The following EBF2 variants were observed in gnomAD, a reference collection of about 807,000 sequenced individuals.
EBF2 encodes transcription factor COE2.
EBF2 carries 21 observed loss-of-function variants against 72.8 expected under a neutral mutation model. The observed-to-expected ratio is 0.29, with a 90% CI of 0.20 to 0.42. The LOEUF (loss-of-function observed/expected upper bound fraction) is 0.42, where lower values mean the gene tolerates loss of function less well. Ranked by LOEUF, EBF2 falls within the 10% of genes least tolerant of loss-of-function variation. The pLI, the probability that EBF2 is intolerant of heterozygous loss-of-function variation, is 1.00. For synonymous variants in EBF2, 299 were observed against 274.2 expected, an observed-to-expected ratio of 1.09 and a Z score of -0.89; for missense variants, 637 against 731.2, an observed-to-expected ratio of 0.87 and a Z score of 1.49.
At chr8:26,012,872 T>C (rs963718944) in intron 6 of EBF2, among the ~76,000 whole-genome samples, 1 of 152,190 alleles carries the variant, frequency 6.6e-6, no homozygotes, top group Non-Finnish European at 1.5e-5. Flanking sequence ...CCTTCTGTTA[T>C]CCATTCATTA....
chr8:25,911,720 G>A (rs915050931), intron 6 of EBF2, among the ~76,000 whole-genome samples: 2 of 152,220 alleles, frequency 1.3e-5, no homozygotes, highest in African/African-American at 2.4e-5. Context: ...AAGGGTTACA[G>A]TGGGGAAAGA....
intron 6 of EBF2, among the ~76,000 whole-genome samples, chr8:25,955,634 G>A (rs1803932855): frequency 1.3e-5 from 2 of 152,166 alleles, no homozygotes; most frequent in Admixed American, 6.5e-5. Context: ...TTTAAAAGGA[G>A]AAGAAATAAA....
chr8:26,016,502 A>G (rs998132565), intron 6 of EBF2, among the ~76,000 whole-genome samples: 3 of 152,244 alleles, frequency 2.0e-5, no homozygotes, highest in African/African-American at 7.2e-5. Flanking sequence ...GTTACATTAG[A>G]CAATACTCCA....
intron 6 of EBF2, among the ~76,000 whole-genome samples, chr8:25,934,310 A>G (rs1485220579): frequency 2.0e-5 from 3 of 152,086 alleles, no homozygotes; most frequent in African/African-American, 7.2e-5. Flanking sequence ...CTCTGAAAAC[A>G]TAGGTCAGCA....
At chr8:25,855,514 C>T (rs1303234488) in intron 14 of EBF2, among the ~76,000 whole-genome samples, 3 of 152,196 alleles carry the variant, frequency 2.0e-5, no homozygotes, top group Non-Finnish European at 4.4e-5. Context: ...AGAAGCTTGG[C>T]TCTTTCTTAC....
intron 4 of EBF2, 36 bp from the exon 5 acceptor site, chr8:26,040,137 G>A: frequency 6.2e-7 from 1 of 1,604,974 alleles, no homozygotes; most frequent in Non-Finnish European, 8.5e-7. Flanking sequence ...GGAAGATGTG[G>A]AGAGGGGTGG....
At chr8:25,963,607 A>G (rs1804071075) in intron 6 of EBF2, among the ~76,000 whole-genome samples, 1 of 152,192 alleles carries the variant, frequency 6.6e-6, no homozygotes, top group African/African-American at 2.4e-5. Context: ...AAGCCCTTCC[A>G]AAAGAAAAAT....
intron 5 of EBF2, among the ~76,000 whole-genome samples, chr8:26,034,121 T>TA (rs1251235186): frequency 2.6e-5 from 4 of 152,230 alleles, no homozygotes; most frequent in Admixed American, 6.5e-5. Flanking sequence ...AGGATTACTA[T>TA]AAACCTTATT....
At chr8:25,977,784 C>T (rs547238321) in intron 6 of EBF2, among the ~76,000 whole-genome samples, 15 of 152,246 alleles carry the variant, frequency 9.9e-5, no homozygotes, top group African/African-American at 3.6e-4. Context: ...GTGTCAAAGA[C>T]ACATTTTCCT....
chr8:25,992,500 T>C (rs1804561178), intron 6 of EBF2, among the ~76,000 whole-genome samples: 1 of 152,156 alleles, frequency 6.6e-6, no homozygotes, highest in African/African-American at 2.4e-5. Context: ...GTGGTGCGCT[T>C]GGTCAGAACC....
chr8:25,927,384 T>G (rs998757822), intron 6 of EBF2, among the ~76,000 whole-genome samples: 1 of 150,098 alleles, frequency 6.7e-6, no homozygotes, highest in African/African-American at 2.4e-5. Flanking sequence ...TTATATATAT[T>G]ATATACACAT....
chr8:25,894,700 A>T (rs1802838728), intron 7 of EBF2, among the ~76,000 whole-genome samples: 1 of 152,210 alleles, frequency 6.6e-6, no homozygotes, highest in African/African-American at 2.4e-5. Context: ...TTTACATCTT[A>T]GCTAAACAAA....
intron 6 of EBF2, among the ~76,000 whole-genome samples, chr8:25,980,793 A>G (rs1284022557): frequency 1.4e-5 from 2 of 147,596 alleles, no homozygotes; most frequent in East Asian, 1.9e-4. Flanking sequence ...ACCACAAAAA[A>G]AAAAAAAAAA....
intron 15 of EBF2, among the ~76,000 whole-genome samples, chr8:25,845,975 C>CT (rs1311559862): frequency 6.6e-6 from 1 of 152,120 alleles, no homozygotes; most frequent in Non-Finnish European, 1.5e-5. Flanking sequence ...CTCTCTGCCC[C>CT]TTTTTTCCAC....
chr8:25,899,206 G>A (rs1802907931), intron 7 of EBF2, among the ~76,000 whole-genome samples: 1 of 151,444 alleles, frequency 6.6e-6, no homozygotes, highest in African/African-American at 2.4e-5. Context: ...TTACATCATT[G>A]GACTAAGAGA....
intron 6 of EBF2, among the ~76,000 whole-genome samples, chr8:25,926,916 G>A (rs1015738495): frequency 5.9e-5 from 9 of 152,128 alleles, no homozygotes; most frequent in African/African-American, 2.2e-4. Flanking sequence ...GATCTTTTCC[G>A]GGCCAGCAAG....
chr8:25,957,963 GAGGA>G (rs1803976261), intron 6 of EBF2, among the ~76,000 whole-genome samples: 1 of 152,210 alleles, frequency 6.6e-6, no homozygotes, highest in Non-Finnish European at 1.5e-5. Flanking sequence ...AGATGGGAGT[GAGGA>G]AGGCAGGCAG....
rs568138572 is a variant in EBF2, at chr8:26,030,874, A to G, written c.551+2211T>C. On this transcript the variant is annotated intron_variant, in intron 6 of 15. Coordinates refer to ENST00000520164, the MANE Select transcript of EBF2 (RefSeq NM_022659.4). ...TTAAAGCATGCTAGCACAAACTATG[A>G]AGGCGCCTAATATGAAAATCTTTTC... Among the ~76,000 whole-genome samples the G allele has an allele frequency of 2.6e-5, 4 of 152,350 alleles. No individual in the cohort carries two copies. In the South Asian group the frequency reaches 8.3e-4, roughly 32 times the overall value.
chr8:25,935,301 C>T (rs1030488169), intron 6 of EBF2, among the ~76,000 whole-genome samples: 2 of 152,136 alleles, frequency 1.3e-5, no homozygotes, highest in African/African-American at 2.4e-5. Flanking sequence ...AGTGTCACAC[C>T]TTTAAATAGT....
Sources: allele counts gnomAD v4.1 joint callset (sites outside exome capture counted in the v4.1 genomes callset), GRCh38; gene constraint gnomAD v4.1.1; transcripts MANE v1.5; gene names NCBI Gene and HGNC (gene_info 2026-07-23, HGNC 2026-07-21).